The following BMP6 variants were observed in gnomAD, a reference collection of about 807,000 sequenced individuals.
BMP6 encodes VG-1-R.
BMP6 carries 17 observed loss-of-function variants against 54.1 expected under a neutral mutation model. That is an observed-to-expected ratio of 0.31 (90% CI 0.22 to 0.47). The LOEUF is 0.47. Ranked by LOEUF, BMP6 falls within the 20% of genes least tolerant of loss-of-function variation. BMP6 has a pLI of 1.00. For synonymous variants in BMP6, 328 were observed against 291.2 expected, an observed-to-expected ratio of 1.13 and a Z score of -1.28; for missense variants, 720 against 690.4, an observed-to-expected ratio of 1.04 and a Z score of -0.48.
chr6:7,728,521 C>T (rs1221450879), intron 1 of BMP6, among the ~76,000 whole-genome samples: 1 of 152,216 alleles, frequency 6.6e-6, no homozygotes, highest in Non-Finnish European at 1.5e-5. Flanking sequence ...CCCCTCCCAC[C>T]CCACTGAGTT....
At chr6:7,765,604 A>T (rs1189062635) in intron 1 of BMP6, among the ~76,000 whole-genome samples, 2 of 152,064 alleles carry the variant, frequency 1.3e-5, no homozygotes, top group East Asian at 3.9e-4. Context: ...CTTCTCTATC[A>T]CTAATTGGCT....
intron 1 of BMP6, among the ~76,000 whole-genome samples, chr6:7,785,652 A>G (rs1045925591): frequency 3.3e-5 from 5 of 152,178 alleles, no homozygotes; most frequent in Non-Finnish European, 7.3e-5. Flanking sequence ...GAACGTGAGG[A>G]GCAGCTTAGT....
chr6:7,828,234 T>G (rs1758731911), intron 1 of BMP6, among the ~76,000 whole-genome samples: 1 of 152,244 alleles, frequency 6.6e-6, no homozygotes, highest in East Asian at 1.9e-4. Context: ...CCAGGAGGGC[T>G]GGTTGCCCCA....
At chr6:7,741,067 G>C (rs1212204489) in intron 1 of BMP6, among the ~76,000 whole-genome samples, 11 of 151,960 alleles carry the variant, frequency 7.2e-5, no homozygotes, top group Admixed American at 2.6e-4. Context: ...CTGTTATCCA[G>C]CCAGCACACT....
intron 1 of BMP6, among the ~76,000 whole-genome samples, chr6:7,824,336 G>T (rs771967738): frequency 6.6e-6 from 1 of 152,184 alleles, no homozygotes; most frequent in Non-Finnish European, 1.5e-5. Flanking sequence ...TGAGTAGCAG[G>T]GGTCTCCGTC....
At chr6:7,757,853 G>A (rs1243060247) in intron 1 of BMP6, among the ~76,000 whole-genome samples, 2 of 152,234 alleles carry the variant, frequency 1.3e-5, no homozygotes, top group East Asian at 3.9e-4. Context: ...GTCTATTCCT[G>A]AACTTCAGGG....
intron 1 of BMP6, among the ~76,000 whole-genome samples, chr6:7,778,940 T>A (rs1299410158): frequency 6.6e-6 from 1 of 152,242 alleles, no homozygotes; most frequent in Non-Finnish European, 1.5e-5. Flanking sequence ...CCAACAAGAT[T>A]ATACACTGAG....
intron 2 of BMP6, among the ~76,000 whole-genome samples, chr6:7,851,109 C>G (rs1759135462): frequency 6.6e-6 from 1 of 152,104 alleles, no homozygotes; most frequent in African/African-American, 2.4e-5. Flanking sequence ...CCTTCACATT[C>G]CCATGTAAAT....
chr6:7,727,309 G>A lies in BMP6; in HGVS notation c.354G>A (p.Gln118=), dbSNP rs753269481. The A allele has an allele frequency of 6.2e-7, 1 of 1,608,138 alleles. No homozygotes were observed. The highest frequency in any genetic ancestry group is 8.5e-7 in the Non-Finnish European group (1 of 1,178,138). ...AGGAGGAGCAGCAGCAGCAGCAGCAGCTGCCTCGCGGAGAGCCCCCTCCCG... is the reference window on the plus strand; with the variant it reads ...AGGAGGAGCAGCAGCAGCAGCAGCAACTGCCTCGCGGAGAGCCCCCTCCCG... ...RQQEEQQQQQ[Q]LPRGEPPPGR... The change falls in exon 1 of 7, where the codon CAG becomes CAA. Residue 118 remains glutamine (Q), a synonymous_variant. Transcript: ENST00000283147.
intron 4 of BMP6, among the ~76,000 whole-genome samples, chr6:7,873,159 A>T (rs1185417373): frequency 1.3e-5 from 2 of 152,162 alleles, no homozygotes; most frequent in African/African-American, 4.8e-5. Context: ...TGAAAGGGCA[A>T]GGTCCCCAAG....
At chr6:7,866,480 C>A (rs1300179116) in intron 4 of BMP6, among the ~76,000 whole-genome samples, 1 of 152,236 alleles carries the variant, frequency 6.6e-6, no homozygotes, top group African/African-American at 2.4e-5. Context: ...TGTGATACCA[C>A]TTGGCCAATC....
At chr6:7,729,152 C>T (rs896572809) in intron 1 of BMP6, among the ~76,000 whole-genome samples, 9 of 152,286 alleles carry the variant, frequency 5.9e-5, no homozygotes, top group African/African-American at 2.2e-4. Flanking sequence ...GTTGAGCCAC[C>T]TCCAGGAAGC....
At chr6:7,862,151 C>CA in intron 3 of BMP6, 150 bp from the exon 4 acceptor site, 1 of 922,876 alleles carries the variant, frequency 1.1e-6, no homozygotes, top group Non-Finnish European at 1.6e-6. Flanking sequence ...CCATGGGTGC[C>CA]AGGCAAGGTT....
intron 1 of BMP6, among the ~76,000 whole-genome samples, chr6:7,739,075 A>G (rs181567352): frequency 7.2e-5 from 11 of 152,264 alleles, no homozygotes; most frequent in African/African-American, 2.6e-4. Context: ...CCTTTACCCT[A>G]TGTCTCACTT....
chr6:7,754,054 G>A (rs1312461765), intron 1 of BMP6, among the ~76,000 whole-genome samples: 2 of 152,074 alleles, frequency 1.3e-5, no homozygotes, highest in African/African-American at 2.4e-5. Flanking sequence ...TTGTTATTGG[G>A]TAGAGTGTTC....
chr6:7,825,729 A>G (rs1758686403), intron 1 of BMP6, among the ~76,000 whole-genome samples: 1 of 148,712 alleles, frequency 6.7e-6, no homozygotes, highest in South Asian at 2.1e-4. Flanking sequence ...TCGAAAAAAA[A>G]AAAACAAAAA....
chr6:7,753,575 A>G (rs1757458549), intron 1 of BMP6, among the ~76,000 whole-genome samples: 1 of 152,208 alleles, frequency 6.6e-6, no homozygotes, highest in Admixed American at 6.5e-5. Context: ...AGAAGCACCC[A>G]TATTACAAAG....
intron 1 of BMP6, among the ~76,000 whole-genome samples, chr6:7,797,752 T>C (rs555542094): frequency 1.3e-5 from 2 of 152,288 alleles, no homozygotes; most frequent in South Asian, 4.2e-4. Context: ...TTGACTTTAT[T>C]AATAACAGCA....
At chr6:7,869,522 T>TAGCC (rs1466210838) in intron 4 of BMP6, among the ~76,000 whole-genome samples, 18 of 152,236 alleles carry the variant, frequency 1.2e-4, no homozygotes, top group Admixed American at 7.2e-4. Context: ...CCAGCCCAGC[T>TAGCC]AGCCGCCTTC....
Sources: gnomAD v4.1 joint callset for allele counts (sites outside exome capture counted in the v4.1 genomes callset) on GRCh38, gnomAD v4.1.1 for gene constraint, MANE v1.5 for transcripts, NCBI Gene and HGNC (gene_info 2026-07-23, HGNC 2026-07-21) for gene names.